Variants in ATRNL1 observed in about 807,000 individuals in gnomAD.
The protein encoded by ATRNL1 is attractin-like protein 1.
Under a neutral mutation model 182.7 loss-of-function variants are expected in ATRNL1, and 95 were observed. That is an observed-to-expected ratio of 0.52 (90% CI 0.44 to 0.62). ATRNL1 has a LOEUF of 0.62. Ranked by LOEUF, ATRNL1 falls within the 20% of genes least tolerant of loss-of-function variation. The probability of loss-of-function intolerance (pLI) is 0.00; values close to 1 mark genes in which losing one functional copy is unlikely to be tolerated. For synonymous variants in ATRNL1, 576 were observed against 568.3 expected, an observed-to-expected ratio of 1.01 and a Z score of -0.19; for missense variants, 1,471 against 1,679.5, an observed-to-expected ratio of 0.88 and a Z score of 2.17.
chr10:115,683,683 T>A (rs1047858032), intron 26 of ATRNL1, among the ~76,000 whole-genome samples: 4 of 150,438 alleles, frequency 2.7e-5, no homozygotes, highest in African/African-American at 9.8e-5. Flanking sequence ...TGCTGGAAAA[T>A]TCAACCCAAA....
intron 25 of ATRNL1, among the ~76,000 whole-genome samples, chr10:115,523,770 T>C (rs1851074162): frequency 6.6e-6 from 1 of 152,234 alleles, no homozygotes; most frequent in Admixed American, 6.5e-5. Flanking sequence ...TCTAAGATGT[T>C]CCAAACTTTC....
At chr10:115,554,441 A>C (rs1040565267) in intron 26 of ATRNL1, among the ~76,000 whole-genome samples, 4 of 151,732 alleles carry the variant, frequency 2.6e-5, no homozygotes, top group East Asian at 1.9e-4. Context: ...TACCTTGTAA[A>C]CCTGTTTCCA....
chr10:115,904,556 C>T (rs1236731300), intron 28 of ATRNL1, among the ~76,000 whole-genome samples: 2 of 152,190 alleles, frequency 1.3e-5, no homozygotes, highest in East Asian at 3.9e-4. Context: ...ACCTGTACAT[C>T]CATGAAATTA....
rs139399549 is a variant in ATRNL1 at position 115,452,193 on chromosome 10, C to T, written c.3323-9748C>T. Among the ~76,000 whole-genome samples the T allele has an allele frequency of 1.5e-3, 227 of 152,254 alleles. 1 individual carries two copies. Among genetic ancestry groups the T allele is most frequent in the African/African-American group, 5.2e-3 (216 of 41,568 alleles). ...ATGAAAAAATCTGTATGACAAATCC[C>T]TGTGACCTAAGTTTACCTATGTAAT... is the stretch of plus-strand genomic sequence containing the variant. On this transcript the variant is annotated intron_variant, in intron 21 of 28. Transcript: ENST00000355044.
At chr10:115,826,671 A>G (rs1950441572) in intron 27 of ATRNL1, among the ~76,000 whole-genome samples, 1 of 152,172 alleles carries the variant, frequency 6.6e-6, no homozygotes, top group South Asian at 2.1e-4. Context: ...TTTATTGAGC[A>G]AAAGAAAAGC....
chr10:115,700,588 T>C (rs1447901275), intron 26 of ATRNL1, among the ~76,000 whole-genome samples: 2 of 152,178 alleles, frequency 1.3e-5, no homozygotes, highest in African/African-American at 4.8e-5. Context: ...TTGTAGATTC[T>C]GCATATTAGA....
intron 27 of ATRNL1, among the ~76,000 whole-genome samples, chr10:115,747,091 A>G (rs1387945991): frequency 6.6e-6 from 1 of 152,120 alleles, no homozygotes; most frequent in East Asian, 1.9e-4. Flanking sequence ...GACAGCTTTA[A>G]TGAGCAATAG....
chr10:115,602,005 T>C (rs1856623778), intron 26 of ATRNL1, among the ~76,000 whole-genome samples: 1 of 152,048 alleles, frequency 6.6e-6, no homozygotes, highest in African/African-American at 2.4e-5. Context: ...TTACTAGATC[T>C]ACTTTTCTTT....
At chr10:115,153,650 T>A (rs538791502) in intron 5 of ATRNL1, among the ~76,000 whole-genome samples, 4 of 152,318 alleles carry the variant, frequency 2.6e-5, no homozygotes, top group African/African-American at 9.6e-5. Context: ...TGTTGATTTT[T>A]TCAAAAATCC....
intron 24 of ATRNL1, among the ~76,000 whole-genome samples, chr10:115,473,225 C>G (rs979615000): frequency 9.9e-5 from 15 of 151,148 alleles, no homozygotes; most frequent in African/African-American, 3.6e-4. Flanking sequence ...TTATAATGTG[C>G]TGTTGAATCA....
intron 19 of ATRNL1, among the ~76,000 whole-genome samples, chr10:115,360,084 G>A (rs1013459198): frequency 5.3e-5 from 8 of 151,460 alleles, no homozygotes; most frequent in African/African-American, 1.9e-4. Flanking sequence ...TTAAGCACTA[G>A]TGTTTTCTTG....
intron 19 of ATRNL1, among the ~76,000 whole-genome samples, chr10:115,390,124 A>G (rs1433259231): frequency 2.0e-5 from 3 of 152,112 alleles, no homozygotes; most frequent in African/African-American, 7.2e-5. Flanking sequence ...TGGGTTGTGA[A>G]TATTTTCTCC....
intron 27 of ATRNL1, among the ~76,000 whole-genome samples, chr10:115,832,995 T>A (rs1408286226): frequency 6.6e-6 from 1 of 152,168 alleles, no homozygotes; most frequent in African/African-American, 2.4e-5. Flanking sequence ...GTATTTCATT[T>A]TAGTGAGATT....
chr10:115,387,568 C>G (rs1858435768), intron 19 of ATRNL1, among the ~76,000 whole-genome samples: 1 of 152,164 alleles, frequency 6.6e-6, no homozygotes, highest in Admixed American at 6.5e-5. Context: ...CAGCCATTTC[C>G]ATCACTGCAA....
At chr10:115,267,251 C>T (rs1851646510) in intron 12 of ATRNL1, among the ~76,000 whole-genome samples, 1 of 150,278 alleles carries the variant, frequency 6.7e-6, no homozygotes, top group Non-Finnish European at 1.5e-5. Context: ...ATAACATTGT[C>T]ATATATATGA....
At chr10:115,611,054 C>CTTTTTTTTTTTTTTTTTTTTTTT (rs3086300) in intron 26 of ATRNL1, among the ~76,000 whole-genome samples, 2 of 147,048 alleles carry the variant, frequency 1.4e-5, no homozygotes, top group Non-Finnish European at 1.5e-5. Flanking sequence ...TTTCAAAGGA[C>CTTTTTTTTTTTTTTTTTTTTTTT]TTTTTTTTTT....
At chr10:115,106,161 G>T (rs782478469) in intron 1 of ATRNL1, among the ~76,000 whole-genome samples, 6 of 152,200 alleles carry the variant, frequency 3.9e-5, no homozygotes, top group Non-Finnish European at 5.9e-5. Context: ...TGACCTAGAT[G>T]AGAGACCTGG....
At chr10:115,546,921 T>TG (rs1408359122) in intron 25 of ATRNL1, among the ~76,000 whole-genome samples, 1 of 152,140 alleles carries the variant, frequency 6.6e-6, no homozygotes, top group East Asian at 1.9e-4. Flanking sequence ...AGACTGATTT[T>TG]GTTTAACCTA....
chr10:115,307,197 A>G (rs1853777657), intron 17 of ATRNL1, among the ~76,000 whole-genome samples: 1 of 152,118 alleles, frequency 6.6e-6, no homozygotes, highest in Non-Finnish European at 1.5e-5. Context: ...AGCTGTGTAT[A>G]GATCATTTGT....
Sources: allele counts gnomAD v4.1 joint callset (sites outside exome capture counted in the v4.1 genomes callset), GRCh38; gene constraint gnomAD v4.1.1; transcripts MANE v1.5; gene names NCBI Gene and HGNC (gene_info 2026-07-23, HGNC 2026-07-21).